Variants in DCC observed in about 807,000 individuals in gnomAD.
DCC encodes the protein netrin receptor DCC.
A neutral mutation model predicts 172.5 loss-of-function variants in DCC; 58 were observed. The ratio of observed to expected loss-of-function variants is 0.34; its 90% CI spans 0.27 to 0.42. The LOEUF is 0.42. DCC is among the 10% of genes least tolerant of loss of function. DCC has a pLI of 1.00. For synonymous variants in DCC, 709 were observed against 644.5 expected (o/e 1.10, Z -1.52); for missense variants, 1,740 against 1,791.0 (o/e 0.97, Z 0.51).
At chr18:53,197,035 T>C (rs923728804) in intron 9 of DCC, among the ~76,000 whole-genome samples, 3 of 152,072 alleles carry the variant, frequency 2.0e-5, no homozygotes. Flanking sequence ...CATAGAAATA[T>C]CATTAAAGCT....
intron 13 of DCC, among the ~76,000 whole-genome samples, chr18:53,311,033 T>G (rs1303313265): frequency 8.6e-6 from 1 of 116,204 alleles, no homozygotes; most frequent in East Asian, 3.3e-4. Context: ...GATTGAACTT[T>G]ATGATCCTGA....
chr18:52,502,604 G>T (rs903407842), intron 1 of DCC, among the ~76,000 whole-genome samples: 1 of 152,144 alleles, frequency 6.6e-6, no homozygotes, highest in Non-Finnish European at 1.5e-5. Flanking sequence ...AGGAGTAAAG[G>T]ATATTGTATC....
At chr18:52,820,319 G>A (rs1431731) in intron 2 of DCC, among the ~76,000 whole-genome samples, 17,029 of 152,090 alleles carry the variant, frequency 0.11, 1,036 homozygotes, top group South Asian at 0.2. Flanking sequence ...CGATGAAAAT[G>A]TCTTTGCCTA....
intron 27 of DCC, among the ~76,000 whole-genome samples, 198 bp downstream of exon 27, chr18:53,499,708 G>A (rs1182387745): frequency 6.6e-6 from 1 of 152,078 alleles, no homozygotes; most frequent in Non-Finnish European, 1.5e-5. Context: ...ATTGGTTGTA[G>A]GTGCTTTTCA....
chr18:52,543,383 C>T (rs967679686), intron 1 of DCC, among the ~76,000 whole-genome samples: 2 of 152,098 alleles, frequency 1.3e-5, no homozygotes, highest in Non-Finnish European at 2.9e-5. Flanking sequence ...CTTAACAGCT[C>T]TTCTCAATTT....
At chr18:53,459,691 A>AT (rs1384802837) in intron 24 of DCC, among the ~76,000 whole-genome samples, 1 of 152,084 alleles carries the variant, frequency 6.6e-6, no homozygotes. Context: ...TAATTCTTGA[A>AT]TTTTCTATGA....
chr18:53,443,838 G>A (rs1235174450), intron 22 of DCC, among the ~76,000 whole-genome samples: 1 of 152,228 alleles, frequency 6.6e-6, no homozygotes, highest in South Asian at 2.1e-4. Context: ...CACGACTTCA[G>A]TGGAGGAAGT....
chr18:52,413,771 G>C (rs927836811), intron 1 of DCC, among the ~76,000 whole-genome samples: 2 of 152,016 alleles, frequency 1.3e-5, no homozygotes, highest in Non-Finnish European at 2.9e-5. Context: ...GAGCATAAGG[G>C]AGCATCTAGT....
At chr18:52,907,425 A>G (rs2039904632) in intron 3 of DCC, among the ~76,000 whole-genome samples, 1 of 148,768 alleles carries the variant, frequency 6.7e-6, no homozygotes, top group Non-Finnish European at 1.5e-5. Context: ...TCATATATAC[A>G]TATTTTTTTT....
chr18:52,830,882 CT>C (rs1424654745), intron 2 of DCC, among the ~76,000 whole-genome samples: 1 of 151,986 alleles, frequency 6.6e-6, no homozygotes, highest in African/African-American at 2.4e-5. Context: ...TAGCCTTGTC[CT>C]CATGGAGTTG....
At chr18:53,088,897 G>A (rs1057044291) in intron 7 of DCC, among the ~76,000 whole-genome samples, 5 of 152,080 alleles carry the variant, frequency 3.3e-5, no homozygotes, top group African/African-American at 9.7e-5. Flanking sequence ...CCAGAAACGA[G>A]CATTAACCCA....
chr18:53,390,363 A>T (rs1908468722), intron 16 of DCC, among the ~76,000 whole-genome samples: 1 of 152,142 alleles, frequency 6.6e-6, no homozygotes, highest in Non-Finnish European at 1.5e-5. Context: ...AGTGATGAAT[A>T]GGGGATAGGC....
intron 2 of DCC, among the ~76,000 whole-genome samples, chr18:52,807,391 G>A (rs2038108102): frequency 6.6e-6 from 1 of 152,178 alleles, no homozygotes; most frequent in Non-Finnish European, 1.5e-5. Flanking sequence ...ATGGTTCACT[G>A]CAAAACTGAT....
chr18:52,398,858 G>T (rs1299377580), intron 1 of DCC, among the ~76,000 whole-genome samples: 1 of 151,548 alleles, frequency 6.6e-6, no homozygotes, highest in Non-Finnish European at 1.5e-5. Context: ...AATTAGGTTC[G>T]GTGTATACCG....
At chr18:52,921,288 A>C (rs1419571537) in intron 3 of DCC, among the ~76,000 whole-genome samples, 3 of 152,250 alleles carry the variant, frequency 2.0e-5, no homozygotes, top group African/African-American at 7.2e-5. Context: ...GACCTGATAT[A>C]TGAGGATACT....
chr18:52,601,670 C>T (rs1004101852), intron 1 of DCC, among the ~76,000 whole-genome samples: 1 of 151,966 alleles, frequency 6.6e-6, no homozygotes, highest in African/African-American at 2.4e-5. Context: ...CTGCTCTAAC[C>T]CTCTCTCCTA....
intron 12 of DCC, among the ~76,000 whole-genome samples, chr18:53,233,305 A>G (rs920615668): frequency 2.0e-5 from 3 of 152,228 alleles, no homozygotes; most frequent in African/African-American, 7.2e-5. Context: ...ATTCACAAAA[A>G]TAATTCAAAT....
At chr18:52,695,294 C>A (rs992783736) in intron 1 of DCC, among the ~76,000 whole-genome samples, 1 of 152,112 alleles carries the variant, frequency 6.6e-6, no homozygotes, top group Admixed American at 6.5e-5. Context: ...TGAACACATA[C>A]AATTCCAAGA....
chr18:53,077,550 C>G (rs1370475130), intron 7 of DCC, among the ~76,000 whole-genome samples: 3 of 152,090 alleles, frequency 2.0e-5, no homozygotes, highest in Non-Finnish European at 4.4e-5. Flanking sequence ...TCCTGTCTGA[C>G]CTTATAACTT....
Sources: gnomAD v4.1 joint callset for allele counts (sites outside exome capture counted in the v4.1 genomes callset) on GRCh38, gnomAD v4.1.1 for gene constraint, MANE v1.5 for transcripts, NCBI Gene and HGNC (gene_info 2026-07-23, HGNC 2026-07-21) for gene names.